KIAA0825: variants seen among roughly 807,000 people sequenced by gnomAD.
KIAA0825 encodes KIAA0825.
Under a neutral mutation model 147.6 loss-of-function variants are expected in KIAA0825, and 119 were observed. The observed-to-expected ratio is 0.81, with a 90% confidence interval of 0.69 to 0.94. The LOEUF is 0.94. Among genes scored for constraint, KIAA0825 ranks in the 40% least tolerant of loss-of-function variants. The pLI, the probability that KIAA0825 is intolerant of heterozygous loss-of-function variation, is 0.00. For synonymous variants in KIAA0825, 470 were observed against 518.1 expected (o/e 0.91, Z 1.26); for missense variants, 1,381 against 1,472.7 (o/e 0.94, Z 1.02).
chr5:94,529,781 T>C (rs899431130), intron 3 of KIAA0825, among the ~76,000 whole-genome samples: 5 of 152,192 alleles, frequency 3.3e-5, no homozygotes, highest in African/African-American at 1.2e-4. Context: ...TCATCTATCA[T>C]GTTCTATTCA....
chr5:94,243,957 A>G (rs572297384), intron 20 of KIAA0825, among the ~76,000 whole-genome samples: 1 of 152,286 alleles, frequency 6.6e-6, no homozygotes, highest in South Asian at 2.1e-4. Context: ...ATATTTCACT[A>G]TCTTTCTGCT....
chr5:94,613,782 T>C (rs534811710), intron 1 of KIAA0825, among the ~76,000 whole-genome samples: 13 of 152,358 alleles, frequency 8.5e-5, no homozygotes, highest in Non-Finnish European at 4.4e-5. Context: ...GGTGCCCTTT[T>C]CTAATCATAC....
intron 20 of KIAA0825, among the ~76,000 whole-genome samples, chr5:94,197,725 T>A (rs1771269662): frequency 6.6e-6 from 1 of 152,158 alleles, no homozygotes; most frequent in South Asian, 2.1e-4. Context: ...ACTTACTGAA[T>A]GAGTTCTTTC....
intron 20 of KIAA0825, among the ~76,000 whole-genome samples, chr5:94,155,367 A>G (rs1766943338): frequency 6.6e-6 from 1 of 150,930 alleles, no homozygotes; most frequent in South Asian, 2.1e-4. Context: ...ATAGGTGCAC[A>G]CCACCATGCC....
chr5:94,322,564 A>G lies in KIAA0825; in HGVS notation c.3710+61804T>C, dbSNP rs540574845. Among the ~76,000 whole-genome samples the G allele has an allele frequency of 5.3e-5, 8 of 151,928 alleles. No homozygotes were observed. The East Asian group carries it at 1.6e-3, about 29-fold the overall frequency. ...CAGCTGTAGCAGTAAAATTACTGAAACTGTAATTCTCTTAATATTTAAATA... is the reference window on the plus strand; with the variant it reads ...CAGCTGTAGCAGTAAAATTACTGAAGCTGTAATTCTCTTAATATTTAAATA... On this transcript the variant is annotated intron_variant, in intron 20 of 20. Transcript: ENST00000682413.
chr5:94,363,062 A>G (rs1745294202), intron 20 of KIAA0825, among the ~76,000 whole-genome samples: 2 of 152,244 alleles, frequency 1.3e-5, no homozygotes, highest in African/African-American at 4.8e-5. Context: ...TACACAAAGC[A>G]AAGACATCAT....
chr5:94,194,507 C>T (rs1014568444), intron 20 of KIAA0825, among the ~76,000 whole-genome samples: 1 of 152,174 alleles, frequency 6.6e-6, no homozygotes, highest in African/African-American at 2.4e-5. Context: ...CAGCCATCTT[C>T]TTGTCACTTC....
rs553359833 is a variant in KIAA0825, at chr5:94,486,514, A to C, written c.971-1584T>G. Reference sequence around the variant, plus strand: ...AGAGCTGTCTACCAACTTAGACTGTAAAATTTAGTACTGTTCTGAAACAGT... The same window carrying C: ...AGAGCTGTCTACCAACTTAGACTGTCAAATTTAGTACTGTTCTGAAACAGT... On this transcript the variant is annotated intron_variant, in intron 5 of 20. Coordinates refer to ENST00000682413, the MANE Select transcript of KIAA0825 (RefSeq NM_001145678.3). 9.9e-5 allele frequency among the ~76,000 whole-genome samples: 15 copies of C among 152,250 alleles called. No homozygotes were observed. The East Asian group carries it at 2.9e-3, about 29-fold the overall frequency.
intron 20 of KIAA0825, among the ~76,000 whole-genome samples, chr5:94,253,100 C>A (rs1003251129): frequency 1.3e-5 from 2 of 152,098 alleles, no homozygotes; most frequent in Admixed American, 1.3e-4. Flanking sequence ...AAACAGAATA[C>A]AGCAAAATGA....
chr5:94,210,888 A>T (rs932581149), intron 20 of KIAA0825, among the ~76,000 whole-genome samples: 4 of 152,216 alleles, frequency 2.6e-5, no homozygotes, highest in African/African-American at 4.8e-5. Context: ...AGAATAATAA[A>T]CAAAGATGTA....
intron 20 of KIAA0825, among the ~76,000 whole-genome samples, chr5:94,222,047 C>T (rs1773712043): frequency 1.3e-5 from 2 of 152,224 alleles, no homozygotes; most frequent in Non-Finnish European, 2.9e-5. Flanking sequence ...CTTTATCTCT[C>T]AGGGCACCCC....
intron 20 of KIAA0825, among the ~76,000 whole-genome samples, chr5:94,158,067 G>A (rs1182294782): frequency 6.6e-6 from 1 of 152,142 alleles, no homozygotes; most frequent in Non-Finnish European, 1.5e-5. Flanking sequence ...TAAGAGCACA[G>A]GCCCTAGAAT....
chr5:94,596,970 T>G (rs1393934240), intron 1 of KIAA0825, among the ~76,000 whole-genome samples: 1 of 152,076 alleles, frequency 6.6e-6, no homozygotes, highest in Non-Finnish European at 1.5e-5. Flanking sequence ...TCTAAAGGAG[T>G]GTTTAGGCTG....
At chr5:94,248,441 C>T (rs1562333436) in intron 20 of KIAA0825, among the ~76,000 whole-genome samples, 1 of 152,138 alleles carries the variant, frequency 6.6e-6, no homozygotes, top group African/African-American at 2.4e-5. Context: ...GTCATCAACA[C>T]AAATGGAAAT....
intron 5 of KIAA0825, among the ~76,000 whole-genome samples, chr5:94,488,113 G>A (rs13355036): frequency 0.047 from 7,137 of 152,228 alleles, 548 homozygotes; most frequent in African/African-American, 0.16. Flanking sequence ...TAGTAGAGAC[G>A]GTATTTCTCC....
At chr5:94,516,716 G>A (rs1023837590) in intron 5 of KIAA0825, among the ~76,000 whole-genome samples, 4 of 852 alleles carry the variant, frequency 4.7e-3, no homozygotes, top group East Asian at 0.071. Flanking sequence ...GCGTGAACCC[G>A]GAAGTGGAGC....
At chr5:94,212,517 G>A (rs1299660262) in intron 20 of KIAA0825, among the ~76,000 whole-genome samples, 2 of 152,158 alleles carry the variant, frequency 1.3e-5, no homozygotes, top group Non-Finnish European at 1.5e-5. Flanking sequence ...GAGACATGAG[G>A]CTATTAGGAG....
chr5:94,553,452 A>G (rs1561305347), intron 2 of KIAA0825, among the ~76,000 whole-genome samples: 1 of 139,122 alleles, frequency 7.2e-6, no homozygotes, highest in Non-Finnish European at 1.5e-5. Context: ...AAAAAAAAAG[A>G]AAAAAAAAAA....
Position 94,151,348 on chromosome 5 carries a change from C to T in KIAA0825, c.*2659G>A, listed in dbSNP as rs547530144. Among the ~76,000 whole-genome samples the T allele has an allele frequency of 7.6e-6, 1 of 132,036 alleles. No homozygotes were observed. The highest frequency in any genetic ancestry group is 8.8e-5 in the Admixed American group (1 of 11,408). The allele number at this position is 132,036 out of a possible 152,430, so 86.6% of individuals were successfully genotyped here. A position where few individuals can be genotyped will look rare whatever the true frequency, so the allele number is the denominator to read the frequency against. On this transcript the variant is annotated 3_prime_UTR_variant, in exon 21 of 21. Coordinates refer to ENST00000682413, the MANE Select transcript of KIAA0825 (RefSeq NM_001145678.3). The stretch of plus-strand genomic sequence containing the variant: ...AGGAGAATGGCGTGAACCCGGGAAG[C>T]GGAGCTTGCAGTGAGCCGAGATTGC...
Sources: allele counts gnomAD v4.1 joint callset (sites outside exome capture counted in the v4.1 genomes callset), GRCh38; gene constraint gnomAD v4.1.1; transcripts MANE v1.5; gene names NCBI Gene and HGNC (gene_info 2026-07-23, HGNC 2026-07-21).